Variants in EIF2S3 observed in about 807,000 individuals in gnomAD.
The protein encoded by EIF2S3 is eukaryotic translation initiation factor 2 subunit 3.
In EIF2S3, 2 loss-of-function variants were observed where a neutral mutation model predicts 31.7. The ratio of observed to expected loss-of-function variants is 0.06; its 90% CI spans 0.03 to 0.20. EIF2S3 has a LOEUF of 0.20. EIF2S3 is among the 10% of genes least tolerant of loss of function. The pLI, the probability that EIF2S3 is intolerant of heterozygous loss-of-function variation, is 1.00. For synonymous variants in EIF2S3, 120 were observed against 126.7 expected, an observed-to-expected ratio of 0.95 and a Z score of 0.36; for missense variants, 96 against 359.3, an observed-to-expected ratio of 0.27 and a Z score of 5.92.
chrX:24,060,027 A>G (rs1227351126), intron 4 of EIF2S3, 61 bp from the exon 5 acceptor site: 1 of 898,772 alleles, frequency 1.1e-6, no homozygotes, highest in Admixed American at 2.4e-5. Context: ...TAAAAAATCT[A>G]AAACTAGCAT....
Position 24,077,064 on chromosome X carries a change from G to A in EIF2S3, c.*279G>A. 4.4e-6 allele frequency: 1 copy of A among 224,865 alleles called. No homozygotes were observed. Among genetic ancestry groups the A allele is most frequent in the East Asian group, 8.1e-5 (1 of 12,386 alleles). The allele number at this position is 224,865 out of a possible 1,213,427, so 18.5% of individuals were successfully genotyped here. A position where few individuals can be genotyped will look rare whatever the true frequency, so the allele number is the denominator to read the frequency against. On this transcript the variant is annotated 3_prime_UTR_variant, in exon 12 of 12. Coordinates refer to ENST00000253039, the MANE Select transcript of EIF2S3 (RefSeq NM_001415.4). ...TAATGTCAAAATTATACATCATGCA[G>A]TTCTGTTTTTTTGTTTGTTTTATTT... is the stretch of plus-strand genomic sequence containing the variant.
intron 11 of EIF2S3, 139 bp downstream of exon 11, chrX:24,073,402 C>T (rs753021116): frequency 1.2e-4 from 103 of 871,722 alleles, no homozygotes; most frequent in Admixed American, 1.5e-4. Context: ...ACTTTGAAAA[C>T]TATACTTCGG....
intron 7 of EIF2S3, among the ~76,000 whole-genome samples, chrX:24,064,760 C>T (rs1207675416): frequency 5.4e-5 from 6 of 111,315 alleles, no homozygotes; most frequent in African/African-American, 9.8e-5. Flanking sequence ...ACCCGGGAAG[C>T]GGAGGTTGCA....
At chrX:24,055,567 G>A (rs1930389860) in intron 1 of EIF2S3, 48 bp from the exon 2 acceptor site, 2 of 1,162,867 alleles carry the variant, frequency 1.7e-6, no homozygotes, top group Middle Eastern at 2.3e-4. Context: ...CAAAGGAAAA[G>A]TTCTCATTTG....
rs1202687405 is a variant in EIF2S3, at chrX:24,078,313, ACT to A, written c.*1531_*1532del. On this transcript the variant is annotated 3_prime_UTR_variant, in exon 12 of 12. Transcript: ENST00000253039. ...AGTGCTGGGATTACAGGCGTGAGCC[ACT>A]CTGCCCGGCTTATTTTTCTTTATGT... 3.6e-5 allele frequency among the ~76,000 whole-genome samples: 4 copies of A among 110,513 alleles called. No individual in the cohort carries two copies. In the Admixed American group the frequency reaches 3.9e-4, roughly 11 times the overall value.
chrX:24,072,346 G>GCGATCTCGACTCACAGCAGCCT (rs1930683857), intron 10 of EIF2S3, among the ~76,000 whole-genome samples: 1 of 111,446 alleles, frequency 9.0e-6, no homozygotes, highest in Non-Finnish European at 1.9e-5. Flanking sequence ...GTGCAGTGGT[G>GCGATCTCGACTCACAGCAGCCT]CGATCTCGAC....
At chrX:24,065,145 A>G (rs1325028761) in intron 7 of EIF2S3, among the ~76,000 whole-genome samples, 1 of 111,582 alleles carries the variant, frequency 9.0e-6, no homozygotes, top group Admixed American at 9.6e-5. Context: ...ATGTAGTCCT[A>G]GTGTTTTATA....
intron 11 of EIF2S3, among the ~76,000 whole-genome samples, chrX:24,073,817 T>A (rs1319797458): frequency 8.9e-6 from 1 of 112,560 alleles, no homozygotes; most frequent in Non-Finnish European, 1.9e-5. Flanking sequence ...TCTATCGTCA[T>A]TGGCTTTGGA....
chrX:24,062,175 T>G (rs774960433), intron 5 of EIF2S3, among the ~76,000 whole-genome samples: 6 of 110,998 alleles, frequency 5.4e-5, no homozygotes, highest in African/African-American at 2.0e-4. Flanking sequence ...TTAAGCACAT[T>G]GACAATTTTC....
rs1816321337 is a variant in EIF2S3, at chrX:24,057,008, G to C, written c.134-413G>C. ...TATGTTGATATTTACAGCAAGTTAT[G>C]GCTTTGGCTTTAATTGTATTTATTT... On this transcript the variant is annotated intron_variant, in intron 2 of 11. Coordinates refer to ENST00000253039, the MANE Select transcript of EIF2S3 (RefSeq NM_001415.4). 2.8e-5 allele frequency among the ~76,000 whole-genome samples: 3 copies of C among 106,550 alleles called. No individual in the cohort carries two copies. The Admixed American group carries it at 3.2e-4, about 11-fold the overall frequency. 92.5% of individuals were successfully genotyped at this position (106,550 alleles called of 115,157 possible).
chrX:24,067,257 C>G (rs1397549976), intron 8 of EIF2S3, among the ~76,000 whole-genome samples: 1 of 110,633 alleles, frequency 9.0e-6, no homozygotes, highest in Non-Finnish European at 1.9e-5. Context: ...AGGCTGGTCT[C>G]TTAACTCCTG....
At position 24,071,619 on chromosome X, in the gene EIF2S3, T is replaced by G. The variant is rs1477880924; in HGVS notation, c.1074T>G (p.Leu358=). 1 of 1,209,395 alleles carries G rather than the reference T, an allele frequency of 8.3e-7. No individual in the cohort carries two copies. The highest frequency in any genetic ancestry group is 1.1e-6 in the Non-Finnish European group (1 of 895,188). Residue 358 remains leucine, a synonymous_variant, in exon 10 of 12, where the codon CTT becomes CTG. Transcript: ENST00000253039. ...CRADRMVGQV[L]GAVGALPEIF... ...CTGACAGAATGGTGGGGCAAGTACT[T>G]GGTGCAGTCGGAGCTTTACCTGAGA...
At chrX:24,056,676 G>A (rs113262849) in intron 2 of EIF2S3, among the ~76,000 whole-genome samples, 1,604 of 111,025 alleles carry the variant, frequency 0.014, 29 homozygotes, top group African/African-American at 0.048. Flanking sequence ...TGGGCAACGT[G>A]GCCAAACCCC....
At chrX:24,065,014 A>G (rs1287031060) in intron 7 of EIF2S3, among the ~76,000 whole-genome samples, 2 of 111,902 alleles carry the variant, frequency 1.8e-5, no homozygotes, top group Non-Finnish European at 3.8e-5. Flanking sequence ...TAATTTGATC[A>G]CCTAGGCTTG....
At chrX:24,068,146 A>G (rs747951627) in intron 9 of EIF2S3, 38 bp downstream of exon 9, 7 of 1,149,363 alleles carry the variant, frequency 6.1e-6, no homozygotes, top group Non-Finnish European at 8.2e-6. Flanking sequence ...ATTTGTGGCT[A>G]TTTGTGGTAC....
chrX:24,062,969 C>A (rs1015613922), intron 6 of EIF2S3, among the ~76,000 whole-genome samples: 1 of 112,006 alleles, frequency 8.9e-6, no homozygotes, highest in East Asian at 2.8e-4. Flanking sequence ...GTCGGCCGGG[C>A]ATGGTGGCTC....
At position 24,076,921 on chromosome X, in the gene EIF2S3, ATTCTCT is replaced by A; in HGVS notation, c.*139_*144del. ...TACCTTAGTAGGTAACGGTAAGGTTATTCTCTTTTTTTTTTTTTTTTTTTTTGGTTA... is the reference window on the plus strand; with the variant it reads ...TACCTTAGTAGGTAACGGTAAGGTTATTTTTTTTTTTTTTTTTTTTGGTTA... On this transcript the variant is annotated 3_prime_UTR_variant, in exon 12 of 12. Transcript: ENST00000253039. 6.8e-6 allele frequency: 1 copy of A among 147,387 alleles called. No individual in the cohort carries two copies. The highest frequency in any genetic ancestry group is 7.5e-5 in the African/African-American group (1 of 13,401). 12.1% of individuals were successfully genotyped at this position (147,387 alleles called of 1,213,427 possible).
At position 24,057,577 on chromosome X, in the gene EIF2S3, T is replaced by C. The variant is rs369734267; in HGVS notation, c.261+29T>C. 3.6e-4 allele frequency: 429 copies of C among 1,206,336 alleles called. 1 individual carries two copies. The highest frequency in any genetic ancestry group is 4.1e-4 in the Non-Finnish European group (368 of 893,590). ...AGCTGTGTACTGTGGAACGAGAAAC[T>C]AACTTTAATTGTTGTGCAGATAACA... On this transcript the variant is annotated intron_variant, in intron 3 of 11. Transcript: ENST00000253039.
chrX:24,064,149 ATAAAT>A, intron 6 of EIF2S3, 47 bp from the exon 7 acceptor site: 1 of 1,025,081 alleles, frequency 9.8e-7, no homozygotes, highest in Non-Finnish European at 1.3e-6. Context: ...GATACATAGA[ATAAAT>A]TTTATAAAAC....
Sources: allele counts gnomAD v4.1 joint callset (sites outside exome capture counted in the v4.1 genomes callset), GRCh38; gene constraint gnomAD v4.1.1; transcripts MANE v1.5; gene names NCBI Gene and HGNC (gene_info 2026-07-23, HGNC 2026-07-21).